MEGF10: variants seen among roughly 807,000 people sequenced by gnomAD.
MEGF10 encodes the protein multiple epidermal growth factor-like domains protein 10.
MEGF10 carries 86 observed loss-of-function variants against 147.5 expected under a neutral mutation model. The observed-to-expected ratio is 0.58, with a 90% CI of 0.49 to 0.70. The LOEUF is 0.70. MEGF10 is among the 30% of genes least tolerant of loss of function. The pLI is 0.00. For missense variants in MEGF10, 1,329 were observed against 1,487.3 expected (o/e 0.89, Z 1.75); for synonymous variants, 478 against 525.5 (o/e 0.91, Z 1.24).
At chr5:127,435,864 G>A (rs968428212) in intron 16 of MEGF10, among the ~76,000 whole-genome samples, 23 of 152,266 alleles carry the variant, frequency 1.5e-4, no homozygotes, top group Non-Finnish European at 7.4e-5. Context: ...ATTAAATGAT[G>A]TGAGCCTTAG....
chr5:127,348,914 G>C (rs1452220338), intron 4 of MEGF10, among the ~76,000 whole-genome samples: 1 of 152,000 alleles, frequency 6.6e-6, no homozygotes, highest in Non-Finnish European at 1.5e-5. Flanking sequence ...TACAAATAAG[G>C]TGAAATCTTA....
chr5:127,293,519 C>G (rs1759358147), intron 1 of MEGF10, among the ~76,000 whole-genome samples: 1 of 152,148 alleles, frequency 6.6e-6, no homozygotes, highest in Admixed American at 6.6e-5. Context: ...AGTAGTAAGT[C>G]TTCTGTGAGT....
the MEGF10 span, among the ~76,000 whole-genome samples, chr5:127,252,221 G>C: frequency 7.3e-5 from 11 of 151,594 alleles, no homozygotes; most frequent in Non-Finnish European, 1.5e-4. Context: ...TATCTATTAA[G>C]ATTAAAACTG....
rs185801088 is a variant in MEGF10, at chr5:127,361,217, T to C, written c.320-8693T>C. Among the ~76,000 whole-genome samples the C allele has an allele frequency of 7.3e-5, 11 of 151,404 alleles. No homozygotes were observed. The East Asian group carries it at 2.1e-3, about 29-fold the overall frequency. ...GGAAAGCTTTTAACTATAATTTAATTGCTTTAAAATATATAGGTCCATTCA... is the reference window on the plus strand; with the variant it reads ...GGAAAGCTTTTAACTATAATTTAATCGCTTTAAAATATATAGGTCCATTCA... On this transcript the variant is annotated intron_variant, in intron 4 of 24. Transcript: ENST00000503335.
chr5:127,247,384 A>G, the MEGF10 span, among the ~76,000 whole-genome samples: 2,757 of 23,342 alleles, frequency 0.12, 317 homozygotes, highest in Middle Eastern at 0.18. Flanking sequence ...GAAGAAGAAG[A>G]AGAAGAAGAA....
rs906446399 is a variant in MEGF10 at position 127,330,547 on chromosome 5, C to T, written c.-18-744C>T. ...TTCCAAGCTTTTAAATGTTACTTTA[C>T]AGTCTTTAGGTTCATTTTCTCTAAC... On this transcript the variant is annotated intron_variant, in intron 1 of 24. Transcript: ENST00000503335. Among the ~76,000 whole-genome samples the T allele has an allele frequency of 3.9e-5, 6 of 152,182 alleles. 1 individual carries two copies. In the South Asian group the frequency reaches 1.2e-3, roughly 31 times the overall value.
At chr5:127,423,319 A>C (rs554842831) in intron 13 of MEGF10, among the ~76,000 whole-genome samples, 1 of 152,224 alleles carries the variant, frequency 6.6e-6, no homozygotes, top group Admixed American at 6.5e-5. Context: ...ACAGGGTGGG[A>C]GTTTCTCCTT....
At chr5:127,246,935 T>TCCTA in the MEGF10 span, among the ~76,000 whole-genome samples, 2 of 113,184 alleles carry the variant, frequency 1.8e-5, no homozygotes, top group Non-Finnish European at 3.6e-5. Flanking sequence ...CAATAATATA[T>TCCTA]GATTATATTA....
intron 14 of MEGF10, among the ~76,000 whole-genome samples, chr5:127,434,298 A>G (rs1765483912): frequency 1.3e-5 from 2 of 152,228 alleles, no homozygotes; most frequent in African/African-American, 4.8e-5. Flanking sequence ...CTCTTAAAGA[A>G]TAAAGAATCA....
intron 19 of MEGF10, chr5:127,444,825 G>C (rs1765881378): frequency 6.6e-6 from 1 of 152,656 alleles, no homozygotes; most frequent in Non-Finnish European, 1.5e-5. Context: ...GGTAGATCCT[G>C]TTCTTAGACT....
chr5:127,461,147 T>C lies in MEGF10; in HGVS notation c.*3829T>C, dbSNP rs1224618326. 1 of 152,236 alleles carries C rather than the reference T, an allele frequency of 6.6e-6. No individual in the cohort carries two copies. Among genetic ancestry groups the C allele is most frequent in the Non-Finnish European group, 1.5e-5 (1 of 68,042 alleles). 9.4% of individuals were successfully genotyped at this position (152,236 alleles called of 1,614,324 possible). ...ATTTTCCAAAGATGATAAACTTTCA[T>C]CGTTCTTAGCCTACATTGTCATTTA... On this transcript the variant is annotated 3_prime_UTR_variant, in exon 25 of 25. Coordinates refer to ENST00000503335, the MANE Select transcript of MEGF10 (RefSeq NM_001256545.2).
At chr5:127,380,787 G>T (rs190851465) in intron 5 of MEGF10, among the ~76,000 whole-genome samples, 1 of 152,140 alleles carries the variant, frequency 6.6e-6, no homozygotes, top group Non-Finnish European at 1.5e-5. Context: ...AAAGTGCTGG[G>T]ATTACAGGTG....
At chr5:127,302,080 G>T (rs1284651130) in intron 1 of MEGF10, among the ~76,000 whole-genome samples, 1 of 152,108 alleles carries the variant, frequency 6.6e-6, no homozygotes, top group Non-Finnish European at 1.5e-5. Context: ...GGATGAGGCT[G>T]CTAGTGAATG....
In MEGF10 at chr5:127,445,554, C is replaced by T. The variant is rs1285151265; in HGVS notation, c.2589C>T (p.Ile863=). The change falls in exon 20 of 25, where the codon ATC becomes ATT. Residue 863 remains isoleucine, a synonymous_variant. Transcript: ENST00000503335. ...SYQIGAIAGI[I]ILVLVVLFLL... ...AGATCGGGGCCATTGCAGGCATCAT[C>T]ATTCTTGTCCTAGTTGTTCTCTTCC... The T allele has an allele frequency of 6.2e-7, 1 of 1,614,098 alleles. No homozygotes were observed. Among genetic ancestry groups the T allele is most frequent in the Non-Finnish European group, 8.5e-7 (1 of 1,180,000 alleles).
At chr5:127,391,075 T>C (rs556545010) in intron 5 of MEGF10, among the ~76,000 whole-genome samples, 24 of 141,384 alleles carry the variant, frequency 1.7e-4, no homozygotes, top group African/African-American at 6.0e-4. Context: ...TATATATACA[T>C]ACATACACAC....
chr5:127,230,260 AG>A, the MEGF10 span, among the ~76,000 whole-genome samples: 1 of 151,982 alleles, frequency 6.6e-6, no homozygotes, highest in African/African-American at 2.4e-5. Flanking sequence ...TCCCCTTCCT[AG>A]CCCCATTGAT....
At chr5:127,417,326 A>T (rs1246873882) in intron 9 of MEGF10, among the ~76,000 whole-genome samples, 2 of 152,218 alleles carry the variant, frequency 1.3e-5, no homozygotes, top group South Asian at 2.1e-4. Context: ...AGCTCCTCTC[A>T]TAGAGTTGAC....
chr5:127,326,747 T>C (rs1381391940), intron 1 of MEGF10, among the ~76,000 whole-genome samples: 1 of 152,224 alleles, frequency 6.6e-6, no homozygotes, highest in Non-Finnish European at 1.5e-5. Context: ...TCTTAATCAA[T>C]AAATTTGTTT....
intron 5 of MEGF10, among the ~76,000 whole-genome samples, chr5:127,381,299 A>G (rs1763253424): frequency 6.6e-6 from 1 of 152,138 alleles, no homozygotes; most frequent in Admixed American, 6.5e-5. Flanking sequence ...ATCTTCTTAG[A>G]CTCCTCTTTA....
Sources: gnomAD v4.1 joint callset for allele counts (sites outside exome capture counted in the v4.1 genomes callset) on GRCh38, gnomAD v4.1.1 for gene constraint, MANE v1.5 for transcripts, NCBI Gene and HGNC (gene_info 2026-07-23, HGNC 2026-07-21) for gene names.